The following GRM7 variants were observed in gnomAD, a reference collection of about 807,000 sequenced individuals.
The protein encoded by GRM7 is metabotropic glutamate receptor 7.
GRM7 carries 35 observed loss-of-function variants against 84.5 expected under a neutral mutation model. The observed-to-expected ratio is 0.41, with a 90% CI of 0.32 to 0.55. GRM7 has a LOEUF of 0.55. Among genes scored for constraint, GRM7 ranks in the 20% least tolerant of loss-of-function variants. GRM7 has a pLI of 0.19. For synonymous variants in GRM7, 487 were observed against 455.1 expected (o/e 1.07, Z -0.89); for missense variants, 1,003 against 1,194.6 (o/e 0.84, Z 2.36).
At chr3:7,574,007 G>A (rs1694834583) in intron 7 of GRM7, among the ~76,000 whole-genome samples, 1 of 152,132 alleles carries the variant, frequency 6.6e-6, no homozygotes, top group African/African-American at 2.4e-5. Flanking sequence ...AAATTCCAGG[G>A]TAGAGTTTTA....
At chr3:7,355,737 G>A (rs760330071) in intron 4 of GRM7, among the ~76,000 whole-genome samples, 2 of 152,204 alleles carry the variant, frequency 1.3e-5, no homozygotes, top group South Asian at 2.1e-4. Context: ...AATGGAAGTC[G>A]TGTATCTGTG....
At position 7,684,083 on chromosome 3, in the gene GRM7, C is replaced by A. The variant is rs10049201; in HGVS notation, c.2698+3788C>A. ...ACCAGTCCGCAGCAATGCAAAAATG[C>A]ATGTATATAGGAAAAGAACGATAGT... is the stretch of plus-strand genomic sequence containing the variant. On this transcript the variant is annotated intron_variant, in intron 9 of 9. Coordinates refer to ENST00000357716, the MANE Select transcript of GRM7 (RefSeq NM_000844.4). Among the ~76,000 whole-genome samples the A allele has an allele frequency of 8.8e-3, 1,332 of 152,188 alleles. 18 individuals are homozygous for A. The highest frequency in any genetic ancestry group is 0.03 in the African/African-American group (1,228 of 41,526).
At chr3:7,146,006 G>T (rs756083579) in intron 1 of GRM7, among the ~76,000 whole-genome samples, 4 of 152,112 alleles carry the variant, frequency 2.6e-5, no homozygotes, top group African/African-American at 9.7e-5. Flanking sequence ...ACAATCAATC[G>T]ATGTTAGATG....
chr3:7,426,195 C>A (rs1383868970), intron 5 of GRM7, among the ~76,000 whole-genome samples: 1 of 151,924 alleles, frequency 6.6e-6, no homozygotes, highest in Non-Finnish European at 1.5e-5. Context: ...TCTCGGCTCA[C>A]CACAACCTCT....
At chr3:6,902,709 A>G (rs1392012563) in intron 1 of GRM7, among the ~76,000 whole-genome samples, 1 of 152,148 alleles carries the variant, frequency 6.6e-6, no homozygotes, top group African/African-American at 2.4e-5. Flanking sequence ...GACTATTAAG[A>G]TAATTTGGAG....
intron 2 of GRM7, among the ~76,000 whole-genome samples, chr3:7,175,768 C>T (rs1288899171): frequency 6.6e-6 from 1 of 152,106 alleles, no homozygotes; most frequent in East Asian, 1.9e-4. Flanking sequence ...GAACTCCTGA[C>T]CTCAAGTGAT....
At chr3:7,007,241 C>A (rs1187745135) in intron 1 of GRM7, among the ~76,000 whole-genome samples, 1 of 152,082 alleles carries the variant, frequency 6.6e-6, no homozygotes, top group Non-Finnish European at 1.5e-5. Flanking sequence ...CTTCCACCCT[C>A]TTTCTCCATC....
chr3:7,515,259 C>A (rs1700335366), intron 7 of GRM7, among the ~76,000 whole-genome samples: 1 of 147,996 alleles, frequency 6.8e-6, no homozygotes, highest in African/African-American at 2.5e-5. Context: ...AACTCAGTTT[C>A]TTAACTTCAG....
chr3:6,956,294 A>C (rs1443999347), intron 1 of GRM7, among the ~76,000 whole-genome samples: 1 of 152,188 alleles, frequency 6.6e-6, no homozygotes, highest in Non-Finnish European at 1.5e-5. Context: ...TCTGATCTAC[A>C]AATAATATTC....
chr3:7,026,153 C>T (rs972360605), intron 1 of GRM7, among the ~76,000 whole-genome samples: 2 of 152,096 alleles, frequency 1.3e-5, no homozygotes, highest in African/African-American at 4.8e-5. Flanking sequence ...CCTGACATAA[C>T]CCAGTGGTTT....
At chr3:6,896,824 G>T (rs2124996060) in intron 1 of GRM7, among the ~76,000 whole-genome samples, 1 of 152,028 alleles carries the variant, frequency 6.6e-6, no homozygotes, top group East Asian at 1.9e-4. Flanking sequence ...TAGTCCCATT[G>T]TTGACTGCTT....
chr3:7,518,031 G>C (rs1156319847), intron 7 of GRM7, among the ~76,000 whole-genome samples: 1 of 152,186 alleles, frequency 6.6e-6, no homozygotes, highest in South Asian at 2.1e-4. Context: ...GCTGCAGTCA[G>C]CTGAGATTCC....
chr3:7,534,068 G>A (rs1161807486), intron 7 of GRM7, among the ~76,000 whole-genome samples: 1 of 146,158 alleles, frequency 6.8e-6, no homozygotes, highest in African/African-American at 2.5e-5. Flanking sequence ...AGGCTGGAGT[G>A]CAGTAGCACA....
intron 8 of GRM7, among the ~76,000 whole-genome samples, chr3:7,662,086 T>C (rs1699483742): frequency 6.6e-6 from 1 of 152,180 alleles, no homozygotes; most frequent in South Asian, 2.1e-4. Flanking sequence ...TAATGAAATA[T>C]TGATACATGC....
chr3:7,719,765 TTGCACCACTG>T (rs1701879085), intron 9 of GRM7, among the ~76,000 whole-genome samples: 2 of 134,676 alleles, frequency 1.5e-5, no homozygotes, highest in Admixed American at 8.1e-5. Context: ...TGAGCCAAGA[TTGCACCACTG>T]GGCAACACAC....
intron 2 of GRM7, among the ~76,000 whole-genome samples, chr3:7,155,481 A>G (rs1694419886): frequency 6.6e-6 from 1 of 152,046 alleles, no homozygotes; most frequent in South Asian, 2.1e-4. Flanking sequence ...GAAAGTGGGC[A>G]TCGGAATTAG....
intron 8 of GRM7, among the ~76,000 whole-genome samples, chr3:7,637,670 G>C (rs985279327): frequency 6.6e-6 from 1 of 152,220 alleles, no homozygotes; most frequent in Non-Finnish European, 1.5e-5. Flanking sequence ...CCTACCTGCG[G>C]ACACGCTCAT....
At chr3:7,026,452 GA>G (rs1695986100) in intron 1 of GRM7, among the ~76,000 whole-genome samples, 1 of 152,212 alleles carries the variant, frequency 6.6e-6, no homozygotes, top group Non-Finnish European at 1.5e-5. Context: ...GGGGATAAGA[GA>G]ATTTGCCGTG....
At chr3:7,662,166 T>G (rs963682016) in intron 8 of GRM7, among the ~76,000 whole-genome samples, 1 of 152,232 alleles carries the variant, frequency 6.6e-6, no homozygotes, top group Non-Finnish European at 1.5e-5. Context: ...GTAGTTATCA[T>G]AGAATTTTAT....
Sources: gnomAD v4.1 joint callset for allele counts (sites outside exome capture counted in the v4.1 genomes callset) on GRCh38, gnomAD v4.1.1 for gene constraint, MANE v1.5 for transcripts, NCBI Gene and HGNC (gene_info 2026-07-23, HGNC 2026-07-21) for gene names.